C1orf21: variants seen among roughly 807,000 people sequenced by gnomAD.
C1orf21 encodes the protein uncharacterized protein C1orf21.
Under a neutral mutation model 18.7 loss-of-function variants are expected in C1orf21, and 3 were observed. The ratio of observed to expected loss-of-function variants is 0.16; its 90% CI spans 0.07 to 0.42. The LOEUF (loss-of-function observed/expected upper bound fraction) is 0.42, where lower values mean the gene tolerates loss of function less well. Ranked by LOEUF, C1orf21 falls within the 10% of genes least tolerant of loss-of-function variation. The pLI, the probability that C1orf21 is intolerant of heterozygous loss-of-function variation, is 0.99. For synonymous variants in C1orf21, 41 were observed against 46.4 expected (o/e 0.88, Z 0.47); for missense variants, 104 against 143.6 (o/e 0.72, Z 1.41).
At chr1:184,595,689 G>C (rs1038283170) in intron 4 of C1orf21, among the ~76,000 whole-genome samples, 1 of 152,156 alleles carries the variant, frequency 6.6e-6, no homozygotes, top group Admixed American at 6.5e-5. Flanking sequence ...CAGGTGACCC[G>C]TGTGGGCATT....
At chr1:184,476,978 C>G (rs1003564207) in intron 1 of C1orf21, among the ~76,000 whole-genome samples, 2 of 152,094 alleles carry the variant, frequency 1.3e-5, no homozygotes, top group Admixed American at 1.3e-4. Flanking sequence ...AGAGCTTTTC[C>G]CAGCCTCCTG....
At chr1:184,587,281 T>C (rs1238972296) in intron 3 of C1orf21, among the ~76,000 whole-genome samples, 3 of 144,454 alleles carry the variant, frequency 2.1e-5, no homozygotes, top group African/African-American at 8.1e-5. Flanking sequence ...TTTTTTTTTT[T>C]CGGTTCCATG....
chr1:184,500,193 G>A (rs1344385164), intron 2 of C1orf21, among the ~76,000 whole-genome samples: 1 of 152,198 alleles, frequency 6.6e-6, no homozygotes, highest in East Asian at 1.9e-4. Context: ...TCCTAAAAGA[G>A]TCCAGGCTGG....
chr1:184,456,987 A>G (rs1325653630), intron 1 of C1orf21, among the ~76,000 whole-genome samples: 3 of 152,216 alleles, frequency 2.0e-5, no homozygotes, highest in Non-Finnish European at 4.4e-5. Context: ...AAACCAAACT[A>G]GGCAGAAGAA....
intron 1 of C1orf21, among the ~76,000 whole-genome samples, chr1:184,404,581 G>A (rs1380860244): frequency 1.3e-5 from 2 of 152,144 alleles, no homozygotes; most frequent in African/African-American, 2.4e-5. Context: ...CCTTAATGGT[G>A]TAATCACCTC....
chr1:184,586,275 C>T (rs905546798), intron 3 of C1orf21, among the ~76,000 whole-genome samples: 1 of 136,670 alleles, frequency 7.3e-6, no homozygotes, highest in Non-Finnish European at 1.5e-5. Flanking sequence ...TTGTTCATGT[C>T]TTTTGTCCAC....
At chr1:184,452,489 T>C (rs1657137059) in intron 1 of C1orf21, among the ~76,000 whole-genome samples, 1 of 152,166 alleles carries the variant, frequency 6.6e-6, no homozygotes, top group Non-Finnish European at 1.5e-5. Flanking sequence ...AGAAGTGAGC[T>C]CTTTGTTTTT....
intron 1 of C1orf21, among the ~76,000 whole-genome samples, chr1:184,448,832 A>G (rs1410186570): frequency 6.6e-6 from 1 of 152,136 alleles, no homozygotes; most frequent in South Asian, 2.1e-4. Context: ...TTGGTAACTT[A>G]TTAAGTCCCT....
chr1:184,575,478 A>G lies in C1orf21; in HGVS notation c.190-15261A>G, dbSNP rs979152958. On this transcript the variant is annotated intron_variant, in intron 3 of 5. Transcript: ENST00000235307. ...TGCAGAGGGGTATGGAAGAGGGTGT[A>G]TGAGTAAGGACCTAAATTTACAATT... 6.6e-5 allele frequency among the ~76,000 whole-genome samples: 10 copies of G among 152,302 alleles called. No homozygotes were observed. The East Asian group carries it at 1.7e-3, about 26-fold the overall frequency.
intron 3 of C1orf21, among the ~76,000 whole-genome samples, chr1:184,522,461 G>T (rs1250366420): frequency 6.6e-6 from 1 of 152,046 alleles, no homozygotes; most frequent in Non-Finnish European, 1.5e-5. Flanking sequence ...TGAGTCTAGG[G>T]CTGGAGAATA....
At chr1:184,486,200 T>G (rs993954162) in intron 2 of C1orf21, among the ~76,000 whole-genome samples, 1 of 152,186 alleles carries the variant, frequency 6.6e-6, no homozygotes. Flanking sequence ...ATATGTTAGT[T>G]TTATTTCCTT....
At chr1:184,489,681 A>G (rs1033933302) in intron 2 of C1orf21, among the ~76,000 whole-genome samples, 7 of 152,210 alleles carry the variant, frequency 4.6e-5, no homozygotes, top group African/African-American at 1.4e-4. Context: ...GGTATTCTAT[A>G]TTTATTGATA....
At chr1:184,549,903 A>G (rs1658789059) in intron 3 of C1orf21, among the ~76,000 whole-genome samples, 1 of 152,180 alleles carries the variant, frequency 6.6e-6, no homozygotes, top group Non-Finnish European at 1.5e-5. Flanking sequence ...CTGGCATACA[A>G]TGGTTTGATT....
chr1:184,518,655 C>T (rs1171948123), intron 3 of C1orf21, among the ~76,000 whole-genome samples: 2 of 151,980 alleles, frequency 1.3e-5, no homozygotes, highest in African/African-American at 4.8e-5. Flanking sequence ...CTGAACTGAC[C>T]ATATTCAGGT....
At chr1:184,595,832 G>A (rs1659506585) in intron 4 of C1orf21, among the ~76,000 whole-genome samples, 1 of 152,200 alleles carries the variant, frequency 6.6e-6, no homozygotes, top group Admixed American at 6.5e-5. Flanking sequence ...AAGATGTCAA[G>A]AGAGTGACTC....
At chr1:184,602,913 A>G (rs1659603798) in intron 5 of C1orf21, among the ~76,000 whole-genome samples, 1 of 152,206 alleles carries the variant, frequency 6.6e-6, no homozygotes, top group African/African-American at 2.4e-5. Context: ...ATATTAAATA[A>G]AGAGTATCTT....
At chr1:184,433,454 A>T (rs113871604) in intron 1 of C1orf21, among the ~76,000 whole-genome samples, 62 of 152,276 alleles carry the variant, frequency 4.1e-4, no homozygotes, top group African/African-American at 1.5e-3. Context: ...AGATGCTTCC[A>T]ATTGTTCCCA....
At position 184,502,360 on chromosome 1, in the gene C1orf21, C is replaced by T. The variant is rs71634112; in HGVS notation, c.95-5228C>T. On this transcript the variant is annotated intron_variant, in intron 2 of 5. Coordinates refer to ENST00000235307, the MANE Select transcript of C1orf21 (RefSeq NM_030806.4). The stretch of plus-strand genomic sequence containing the variant: ...ATTCATGAGGGTGGAGCCCTCATGA[C>T]TTCATCACCTTCCAAAGGCCCCACC... Among the ~76,000 whole-genome samples the T allele has an allele frequency of 1.3e-3, 192 of 152,286 alleles. 2 individuals carry two copies. The highest frequency in any genetic ancestry group is 4.5e-3 in the African/African-American group (186 of 41,576).
intron 4 of C1orf21, among the ~76,000 whole-genome samples, chr1:184,595,648 T>C (rs1659501687): frequency 6.6e-6 from 1 of 152,212 alleles, no homozygotes; most frequent in South Asian, 2.1e-4. Context: ...GGCCTCATGC[T>C]TTCGGATGAC....
Sources: gnomAD v4.1 joint callset for allele counts (sites outside exome capture counted in the v4.1 genomes callset) on GRCh38, gnomAD v4.1.1 for gene constraint, MANE v1.5 for transcripts, NCBI Gene and HGNC (gene_info 2026-07-23, HGNC 2026-07-21) for gene names.